The following ZCWPW2 variants were observed in gnomAD, a reference collection of about 807,000 sequenced individuals.
The protein encoded by ZCWPW2 is zinc finger CW-type and PWWP domain containing 2, also known as zinc finger CW-type PWWP domain protein 2.
ZCWPW2 carries 45 observed loss-of-function variants against 46.6 expected under a neutral mutation model. The observed-to-expected ratio is 0.96, with a 90% CI of 0.76 to 1.24. The LOEUF is 1.24. Ranked by LOEUF, ZCWPW2 falls within the 50% of genes most tolerant of loss-of-function variation. The pLI is 0.00. For synonymous variants in ZCWPW2, 152 were observed against 137.1 expected (o/e 1.11, Z -0.76); for missense variants, 429 against 403.9 (o/e 1.06, Z -0.53).
chr3:28,500,858 G>T (rs1700122668), intron 6 of ZCWPW2, among the ~76,000 whole-genome samples: 1 of 152,146 alleles, frequency 6.6e-6, no homozygotes, highest in African/African-American at 2.4e-5. Flanking sequence ...TAGGCAGAGA[G>T]AAATCTCAGA....
chr3:28,491,060 G>A lies in ZCWPW2; in HGVS notation c.611-1067G>A, dbSNP rs185870498. On this transcript the variant is annotated intron_variant, in intron 5 of 9. Coordinates refer to ENST00000383768, the MANE Select transcript of ZCWPW2 (RefSeq NM_001040432.4). ...TTAGTTTCACAGAATACTTAGACAT[G>A]TTCATAACTAACCATAATACAAGGA... Among the ~76,000 whole-genome samples the A allele has an allele frequency of 2.0e-5, 3 of 152,138 alleles. No individual in the cohort carries two copies. In the East Asian group the frequency reaches 5.8e-4, roughly 29 times the overall value.
At chr3:28,486,436 A>C (rs985230956) in intron 5 of ZCWPW2, among the ~76,000 whole-genome samples, 1 of 152,044 alleles carries the variant, frequency 6.6e-6, no homozygotes, top group African/African-American at 2.4e-5. Flanking sequence ...GTCTTTGTGT[A>C]GATCTGAATT....
rs931096594 is a variant in ZCWPW2, at chr3:28,476,102, G to A, written c.493-2712G>A. ...AACATTCATTATATATTTATATGTT[G>A]TAGAAATATATAATATTATATAAAT... On this transcript the variant is annotated intron_variant, in intron 4 of 9. Coordinates refer to ENST00000383768, the MANE Select transcript of ZCWPW2 (RefSeq NM_001040432.4). Among the ~76,000 whole-genome samples, 3 of 150,498 alleles carry A rather than the reference G, an allele frequency of 2.0e-5. No homozygotes were observed. In the East Asian group the frequency reaches 5.8e-4, roughly 29 times the overall value.
chr3:28,494,626 G>C (rs1699925584), intron 6 of ZCWPW2, among the ~76,000 whole-genome samples: 2 of 145,750 alleles, frequency 1.4e-5, no homozygotes, highest in Non-Finnish European at 3.1e-5. Flanking sequence ...TAGGAAAAGA[G>C]GAAGTCAAAT....
At chr3:28,489,266 A>G (rs1419144098) in intron 5 of ZCWPW2, among the ~76,000 whole-genome samples, 3 of 152,022 alleles carry the variant, frequency 2.0e-5, no homozygotes, top group Non-Finnish European at 4.4e-5. Flanking sequence ...ACTATTTTTA[A>G]TGATTGATAT....
rs1704607593 is a variant in ZCWPW2, at chr3:28,352,826, ATGAGGGAGGGGGCAGAAGGTCC to A, written c.-134+3626_-134+3647del. ...TATTTATTTTTGGGTATATGGCCTA[ATGAGGGAGGGGGCAGAAGGTCC>A]TGTCCATTTTTTTTATGACATGCAT... On this transcript the variant is annotated intron_variant, in intron 1 of 9. Transcript: ENST00000383768. Among the ~76,000 whole-genome samples, 3 of 152,128 alleles carry A rather than the reference ATGAGGGAGGGGGCAGAAGGTCC, an allele frequency of 2.0e-5. No individual in the cohort carries two copies. The South Asian group carries it at 6.2e-4, about 31-fold the overall frequency.
chr3:28,468,069 A>G (rs1425183192), intron 4 of ZCWPW2, among the ~76,000 whole-genome samples: 1 of 152,168 alleles, frequency 6.6e-6, no homozygotes, highest in African/African-American at 2.4e-5. Flanking sequence ...AATTCAAGAT[A>G]ACACAGAGAA....
chr3:28,411,590 C>T (rs1394564334), intron 2 of ZCWPW2, among the ~76,000 whole-genome samples: 1 of 152,132 alleles, frequency 6.6e-6, no homozygotes, highest in African/African-American at 2.4e-5. Context: ...ACACACACTT[C>T]ATGTGAAGTG....
intron 2 of ZCWPW2, among the ~76,000 whole-genome samples, chr3:28,405,388 T>G (rs1575098585): frequency 6.6e-6 from 1 of 152,022 alleles, no homozygotes; most frequent in Non-Finnish European, 1.5e-5. Context: ...TTCCTAAGAA[T>G]GTGATAGTGG....
intron 9 of ZCWPW2, among the ~76,000 whole-genome samples, 156 bp from the exon 10 acceptor site, chr3:28,524,370 TC>T (rs1413554587): frequency 6.6e-6 from 1 of 152,054 alleles, no homozygotes; most frequent in Non-Finnish European, 1.5e-5. Flanking sequence ...AACACATTCA[TC>T]CTGCATTATA....
chr3:28,387,536 G>T (rs1156546176), intron 1 of ZCWPW2, among the ~76,000 whole-genome samples: 1 of 152,082 alleles, frequency 6.6e-6, no homozygotes. Flanking sequence ...TGCAAAAATA[G>T]TAGAAAGACT....
rs544808514 is a variant in ZCWPW2 at position 28,463,257 on chromosome 3, T to A, written c.493-15557T>A. Among the ~76,000 whole-genome samples the A allele has an allele frequency of 2.0e-5, 3 of 152,254 alleles. No individual in the cohort carries two copies. The South Asian group carries it at 6.2e-4, about 32-fold the overall frequency. On this transcript the variant is annotated intron_variant, in intron 4 of 9. Coordinates refer to ENST00000383768, the MANE Select transcript of ZCWPW2 (RefSeq NM_001040432.4). ...GAGAAAACTCAAGTTGCCAAAGTAATATAAACATATTAAGGATATAATATC... is the reference window on the plus strand; with the variant it reads ...GAGAAAACTCAAGTTGCCAAAGTAAAATAAACATATTAAGGATATAATATC...
intron 3 of ZCWPW2, among the ~76,000 whole-genome samples, 200 bp from the exon 4 acceptor site, chr3:28,434,910 C>G (rs529776098): frequency 6.6e-6 from 1 of 152,122 alleles, no homozygotes; most frequent in African/African-American, 2.4e-5. Context: ...GTGACCATTT[C>G]AAAGCTTTCT....
At chr3:28,486,582 A>G (rs1045512502) in intron 5 of ZCWPW2, among the ~76,000 whole-genome samples, 1 of 152,038 alleles carries the variant, frequency 6.6e-6, no homozygotes, top group Non-Finnish European at 1.5e-5. Flanking sequence ...ACTTTTGAAA[A>G]ATAGTTTCAC....
At chr3:28,454,095 C>T (rs1698338488) in intron 4 of ZCWPW2, among the ~76,000 whole-genome samples, 1 of 152,008 alleles carries the variant, frequency 6.6e-6, no homozygotes, top group Admixed American at 6.6e-5. Flanking sequence ...CCGCCCGCCT[C>T]GGCCTCCCAA....
chr3:28,505,391 T>A (rs1231146098), intron 6 of ZCWPW2, among the ~76,000 whole-genome samples: 1 of 152,158 alleles, frequency 6.6e-6, no homozygotes, highest in African/African-American at 2.4e-5. Flanking sequence ...CATGTAGCAA[T>A]TGATGATTGA....
At chr3:28,362,573 A>G (rs912903030) in intron 1 of ZCWPW2, among the ~76,000 whole-genome samples, 3 of 152,184 alleles carry the variant, frequency 2.0e-5, no homozygotes, top group Non-Finnish European at 2.9e-5. Context: ...TAAAAAAATG[A>G]CAGATGCTGG....
intron 9 of ZCWPW2, among the ~76,000 whole-genome samples, chr3:28,522,115 G>A (rs1007317268): frequency 6.6e-6 from 1 of 152,128 alleles, no homozygotes; most frequent in Non-Finnish European, 1.5e-5. Context: ...GGCCTGTCAT[G>A]GGGTGGAGGG....
intron 4 of ZCWPW2, among the ~76,000 whole-genome samples, chr3:28,446,307 T>G (rs1697988222): frequency 6.6e-6 from 1 of 152,000 alleles, no homozygotes; most frequent in Non-Finnish European, 1.5e-5. Context: ...TTTTAAAAGA[T>G]AGATATAAGG....
Sources: gnomAD v4.1 joint callset for allele counts (sites outside exome capture counted in the v4.1 genomes callset) on GRCh38, gnomAD v4.1.1 for gene constraint, MANE v1.5 for transcripts, NCBI Gene and HGNC (gene_info 2026-07-23, HGNC 2026-07-21) for gene names.